The following UPF3B variants were observed in gnomAD, a reference collection of about 807,000 sequenced individuals.
UPF3B encodes the protein regulator of nonsense transcripts 3B.
In UPF3B, 7 loss-of-function variants were observed where a neutral mutation model predicts 40.3. That is an observed-to-expected ratio of 0.17 (90% CI 0.10 to 0.33). The LOEUF is 0.33. UPF3B is among the 10% of genes least tolerant of loss of function. The pLI is 1.00. For missense variants in UPF3B, 229 were observed against 358.9 expected (o/e 0.64, Z 2.93); for synonymous variants, 117 against 117.3 (o/e 1.00, Z 0.01).
At chrX:119,819,980 G>T (rs1345937763) in intron 4 of UPF3B, among the ~76,000 whole-genome samples, 4 of 109,489 alleles carry the variant, frequency 3.7e-5, no homozygotes, top group East Asian at 2.9e-4. Flanking sequence ...GACTAACTGG[G>T]ATTACAGGAG....
At chrX:119,829,853 A>C (rs1274805668), downstream of UPF3B, among the ~76,000 whole-genome samples, 2 of 111,599 alleles carry the variant, frequency 1.8e-5, no homozygotes, top group Admixed American at 9.6e-5. Context: ...TCACTGTAAC[A>C]TGGTTTGTCT....
At position 119,823,068 on chromosome X, in the gene UPF3B, T is replaced by C. The variant is rs2055939372; in HGVS notation, c.393-25A>G. The C allele has an allele frequency of 5.5e-6, 4 of 733,234 alleles. No individual in the cohort carries two copies. In the South Asian group the frequency reaches 1.8e-4, roughly 33 times the overall value. 60.4% of individuals were successfully genotyped at this position (733,234 alleles called of 1,213,427 possible). On this transcript the variant is annotated intron_variant, in intron 3 of 6. Coordinates refer to the UPF3B transcript ENST00000636792. ...CCTGAAGTACAATGAAATATGTTAC[T>C]GTTACAACAATGCTACTAAGCTTTT...
intron 10 of UPF3B, among the ~76,000 whole-genome samples, chrX:119,835,595 G>A (rs2056082558): frequency 8.9e-6 from 1 of 111,984 alleles, no homozygotes; most frequent in Non-Finnish European, 1.9e-5. Flanking sequence ...AACAGCATGG[G>A]GATGTAATCT....
At chrX:119,828,729 T>C (rs972362172) in intron 3 of UPF3B, among the ~76,000 whole-genome samples, 64 of 110,253 alleles carry the variant, frequency 5.8e-4, no homozygotes, top group Non-Finnish European at 1.1e-3. Flanking sequence ...ATTCATTCTT[T>C]CTTTTTTTGA....
intron 4 of UPF3B, among the ~76,000 whole-genome samples, chrX:119,816,843 A>C (rs113875072): frequency 7.6e-4 from 85 of 111,806 alleles, no homozygotes; most frequent in Non-Finnish European, 2.3e-4. Flanking sequence ...TAACACCATT[A>C]ACCTATGTAT....
chrX:119,824,596 C>T (rs943661541), intron 3 of UPF3B, among the ~76,000 whole-genome samples: 3 of 110,837 alleles, frequency 2.7e-5, no homozygotes, highest in South Asian at 3.8e-4. Flanking sequence ...CTAACCTCTA[C>T]CTTGGCTTCC....
intron 10 of UPF3B, 84 bp from the exon 11 acceptor site, chrX:119,835,111 A>ACTCTT: frequency 9.0e-7 from 1 of 1,105,037 alleles, no homozygotes; most frequent in Non-Finnish European, 1.2e-6. Flanking sequence ...GTTATGTATG[A>ACTCTT]ATATATGCTC....
At chrX:119,816,428 C>G (rs2055865745) in intron 4 of UPF3B, among the ~76,000 whole-genome samples, 1 of 111,515 alleles carries the variant, frequency 9.0e-6, no homozygotes, top group Admixed American at 9.6e-5. Context: ...TCCACGTGCA[C>G]AAGGACTTAT....
intron 3 of UPF3B, among the ~76,000 whole-genome samples, chrX:119,851,104 A>G (rs1284769198): frequency 1.8e-5 from 2 of 112,684 alleles, no homozygotes; most frequent in East Asian, 2.8e-4. Context: ...CAGTATCCCA[A>G]TTGGGAACTG....
In UPF3B at chrX:119,845,214, G is replaced by A. The variant is rs776957758; in HGVS notation, c.453C>T (p.Val151=). The change falls in exon 4 of 11, where the codon GTC becomes GTT. Residue 151 remains valine, a synonymous_variant. Coordinates refer to ENST00000276201, the MANE Select transcript of UPF3B (RefSeq NM_080632.3). The stretch of plus-strand genomic sequence containing the variant: ...ATACTGTACCATCATCGATAGTCCC[G>A]ACTTTGGTATCTCTTTTCTTAGTCT... ...KKKTKKRDTK[V]GTIDDDPEYR... The A allele has an allele frequency of 9.1e-6, 11 of 1,205,734 alleles. No homozygotes were observed. Among genetic ancestry groups the A allele is most frequent in the South Asian group, 8.8e-5 (5 of 56,730 alleles).
chrX:119,819,340 C>T (rs1033016190), intron 4 of UPF3B, among the ~76,000 whole-genome samples: 15 of 111,218 alleles, frequency 1.3e-4, no homozygotes, highest in Admixed American at 7.7e-4. Context: ...GCATGAGCCA[C>T]CGTGCCCGGC....
chrX:119,828,949 G>A lies in UPF3B; in HGVS notation c.392+2703C>T, dbSNP rs143702650. Among the ~76,000 whole-genome samples the A allele has an allele frequency of 4.3e-3, 484 of 111,454 alleles. 6 individuals carry two copies. Among genetic ancestry groups the A allele is most frequent in the African/African-American group, 0.015 (452 of 30,733 alleles). ...TTGGCCATGCTGGTTTTGAACTCCT[G>A]ACCTCAGGTGATACATCCACCTCTG... is the stretch of plus-strand genomic sequence containing the variant. On this transcript the variant is annotated intron_variant, in intron 3 of 6. Coordinates refer to the UPF3B transcript ENST00000636792.
chrX:119,837,479 G>A, intron 10 of UPF3B, among the ~76,000 whole-genome samples: 2 of 107,750 alleles, frequency 1.9e-5, no homozygotes, highest in East Asian at 5.9e-4. Flanking sequence ...AGTCAGGCGT[G>A]GTGGTGGGCG....
chrX:119,823,556 CTCTTTTTTTT>C (rs1398130179), intron 3 of UPF3B, among the ~76,000 whole-genome samples: 3 of 42,087 alleles, frequency 7.1e-5, no homozygotes, highest in African/African-American at 7.7e-4. Flanking sequence ...TCTTTTTTTC[CTCTTTTTTTT>C]TTTTTTTTTT....
chrX:119,843,819 T>C (rs1032667767), intron 4 of UPF3B, among the ~76,000 whole-genome samples: 14 of 112,379 alleles, frequency 1.2e-4, no homozygotes, highest in Admixed American at 9.5e-4. Context: ...CTATGTGTTA[T>C]TGAGTCCTTA....
At chrX:119,847,783 T>C (rs906003738) in intron 3 of UPF3B, among the ~76,000 whole-genome samples, 1 of 107,110 alleles carries the variant, frequency 9.3e-6, no homozygotes, top group African/African-American at 3.6e-5. Context: ...AATAATAAAA[T>C]AAAAATAGAA....
intron 3 of UPF3B, chrX:119,823,127 A>G: frequency 2.3e-6 from 1 of 429,917 alleles, no homozygotes; most frequent in Non-Finnish European, 2.9e-6. Flanking sequence ...TTATATATTA[A>G]TATATACTAA....
chrX:119,819,274 G>C (rs1411356985), intron 4 of UPF3B, among the ~76,000 whole-genome samples: 3 of 109,976 alleles, frequency 2.7e-5, no homozygotes, highest in Admixed American at 9.9e-5. Flanking sequence ...GGCTTGTCTC[G>C]AACTGCTGAC....
chrX:119,823,746 T>G (rs1237326402), intron 3 of UPF3B, among the ~76,000 whole-genome samples: 1 of 109,294 alleles, frequency 9.1e-6, no homozygotes, highest in Non-Finnish European at 1.9e-5. Context: ...GTATTTTTAG[T>G]TGGGACAGGG....
Sources: gnomAD v4.1 joint callset for allele counts (sites outside exome capture counted in the v4.1 genomes callset) on GRCh38, gnomAD v4.1.1 for gene constraint, MANE v1.5 for transcripts, NCBI Gene and HGNC (gene_info 2026-07-23, HGNC 2026-07-21) for gene names.